The following USP15 variants were observed in gnomAD, a reference collection of about 807,000 sequenced individuals.
The protein encoded by USP15 is ubiquitin carboxyl-terminal hydrolase 15.
USP15 carries 18 observed loss-of-function variants against 127.1 expected under a neutral mutation model. The observed-to-expected ratio is 0.14, with a 90% CI of 0.10 to 0.21. USP15 has a LOEUF of 0.21. USP15 is among the 10% of genes least tolerant of loss of function. The probability of loss-of-function intolerance (pLI) is 1.00; values close to 1 mark genes in which losing one functional copy is unlikely to be tolerated. For missense variants in USP15, 805 were observed against 1,159.9 expected (o/e 0.69, Z 4.44); for synonymous variants, 364 against 393.7 (o/e 0.92, Z 0.89).
In USP15 at chr12:62,400,146, C is replaced by A. The variant is rs575564790; in HGVS notation, c.2675-1041C>A. 2.6e-5 allele frequency among the ~76,000 whole-genome samples: 4 copies of A among 152,212 alleles called. No individual in the cohort carries two copies. In the South Asian group the frequency reaches 8.3e-4, roughly 32 times the overall value. ...TTGGAAACATTGTGCAACTTTATTT[C>A]TTCAGTTATTGAGTAGTTTATACAA... On this transcript the variant is annotated intron_variant, in intron 20 of 21. Transcript: ENST00000280377.
At chr12:62,274,059 T>C (rs1306108452) in intron 1 of USP15, 2 of 152,118 alleles carry the variant, frequency 1.3e-5, no homozygotes, top group Non-Finnish European at 2.9e-5. Flanking sequence ...GTTAAATAAA[T>C]GGAATTTAAA....
intron 3 of USP15, chr12:62,304,678 A>G (rs1019612434): frequency 2.2e-6 from 1 of 453,066 alleles, no homozygotes; most frequent in Non-Finnish European, 4.4e-6. Flanking sequence ...TATAGTGTCA[A>G]CACTCAAAGA....
intron 1 of USP15, among the ~76,000 whole-genome samples, chr12:62,285,881 G>T (rs1469355438): frequency 6.6e-6 from 1 of 151,990 alleles, no homozygotes; most frequent in Non-Finnish European, 1.5e-5. Context: ...CATAAAGGTT[G>T]TACTAATTTC....
At chr12:62,353,491 A>T (rs1415864789) in intron 7 of USP15, among the ~76,000 whole-genome samples, 1 of 151,850 alleles carries the variant, frequency 6.6e-6, no homozygotes, top group African/African-American at 2.4e-5. Context: ...GTGTATAGGC[A>T]TGACCATGCA....
intron 1 of USP15, among the ~76,000 whole-genome samples, chr12:62,287,780 T>A (rs1342538235): frequency 2.6e-5 from 4 of 152,120 alleles, no homozygotes; most frequent in African/African-American, 7.2e-5. Context: ...TAGTGAGAAG[T>A]AGGGGCCCAG....
chr12:62,303,150 A>C (rs2064366782), intron 3 of USP15: 1 of 320,852 alleles, frequency 3.1e-6, no homozygotes, highest in South Asian at 5.9e-5. Flanking sequence ...TAGAGAGAAA[A>C]CTCTGTAAGG....
intron 5 of USP15, among the ~76,000 whole-genome samples, chr12:62,325,089 A>G (rs887776331): frequency 1.3e-5 from 2 of 151,936 alleles, no homozygotes; most frequent in African/African-American, 4.8e-5. Context: ...TAATTTAATT[A>G]TTTTTGCTAA....
In USP15 at chr12:62,320,030, C is replaced by T. The variant is rs113781799; in HGVS notation, c.476-1434C>T. Reference sequence around the variant, plus strand: ...CACTTTGGAAATTTATCACAAGATACTGATGATTAGTGCATGTTTCTGTAT... The same window carrying T: ...CACTTTGGAAATTTATCACAAGATATTGATGATTAGTGCATGTTTCTGTAT... On this transcript the variant is annotated intron_variant, in intron 4 of 21. Coordinates refer to ENST00000280377, the MANE Select transcript of USP15 (RefSeq NM_001252078.2). Among the ~76,000 whole-genome samples, 425 of 152,086 alleles carry T rather than the reference C, an allele frequency of 2.8e-3. 1 individual carries two copies. The highest frequency in any genetic ancestry group is 9.7e-3 in the African/African-American group (403 of 41,470).
intron 1 of USP15, among the ~76,000 whole-genome samples, chr12:62,265,578 G>A (rs1045074337): frequency 1.8e-4 from 27 of 152,222 alleles, no homozygotes; most frequent in Admixed American, 3.3e-4. Context: ...ACAGAGTCTC[G>A]CTTCATCACC....
intron 2 of USP15, among the ~76,000 whole-genome samples, chr12:62,295,581 C>G (rs2137160756): frequency 6.6e-6 from 1 of 152,142 alleles, no homozygotes. Context: ...ACAAATCTCC[C>G]CCACAAGACA....
Position 62,355,399 on chromosome 12 carries a change from G to A in USP15, c.839G>A (p.Gly280Glu), listed in dbSNP as rs1394613585. The A allele has an allele frequency of 1.2e-6, 2 of 1,611,362 alleles. No individual in the cohort carries two copies. The highest frequency in any genetic ancestry group is 3.3e-5 in the Admixed American group (2 of 59,798). Residue 280 changes from glycine to glutamate, a missense_variant, in exon 8 of 22, where the codon GGA becomes GAA. Gly to Glu is a moderately conservative substitution (Grantham distance 98). Around this residue, in one of 11 missense-constraint regions of USP15, gnomAD observed 84 missense variants for 107.7 expected, o/e 0.78. Transcript: ENST00000280377. The stretch of plus-strand genomic sequence containing the variant: ...AAGAACTATGATTATTCGGAACCTG[G>A]AAGAAACAATGAACAGCCAGGCCTC... ...AYKNYDYSEP[G>E]RNNEQPGLCG...
chr12:62,407,364 G>C lies in USP15; in HGVS notation c.*2989G>C, dbSNP rs1191453370. The C allele has an allele frequency of 6.6e-6, 1 of 152,186 alleles. No individual in the cohort carries two copies. Among genetic ancestry groups the C allele is most frequent in the Non-Finnish European group, 1.5e-5 (1 of 68,026 alleles). The allele number at this position is 152,186 out of a possible 1,614,324, so 9.4% of individuals were successfully genotyped here. On this transcript the variant is annotated 3_prime_UTR_variant, in exon 22 of 22. Transcript: ENST00000280377. ...CTGTGTTATAGTGTCTGCCTCATAGGATTGTTGAGAGCTCAAATGAGATCA... is the reference window on the plus strand; with the variant it reads ...CTGTGTTATAGTGTCTGCCTCATAGCATTGTTGAGAGCTCAAATGAGATCA...
Position 62,404,740 on chromosome 12 carries a change from T to A in USP15, c.*365T>A, listed in dbSNP as rs1444029208. The A allele has an allele frequency of 6.3e-6, 1 of 159,924 alleles. No homozygotes were observed. Among genetic ancestry groups the A allele is most frequent in the Non-Finnish European group, 1.4e-5 (1 of 72,790 alleles). 9.9% of individuals were successfully genotyped at this position (159,924 alleles called of 1,614,324 possible). ...ATGTTGGTCATTTATTTTGCTCTAA[T>A]AATACTGCAAGAAAACTATGGCTGA... On this transcript the variant is annotated 3_prime_UTR_variant, in exon 22 of 22. Transcript: ENST00000280377.
chr12:62,273,215 T>G (rs2063388184), intron 1 of USP15, among the ~76,000 whole-genome samples: 1 of 152,104 alleles, frequency 6.6e-6, no homozygotes, highest in African/African-American at 2.4e-5. Flanking sequence ...TAACTCTTAT[T>G]CAGAGGCTAA....
At chr12:62,371,534 G>A (rs1487454541) in intron 8 of USP15, among the ~76,000 whole-genome samples, 1 of 152,116 alleles carries the variant, frequency 6.6e-6, no homozygotes, top group Non-Finnish European at 1.5e-5. Flanking sequence ...ATTTGATAGG[G>A]TAATTTTATA....
At chr12:62,352,522 C>T (rs2065993960) in intron 7 of USP15, among the ~76,000 whole-genome samples, 1 of 151,896 alleles carries the variant, frequency 6.6e-6, no homozygotes, top group South Asian at 2.1e-4. Context: ...TGTTTATTGT[C>T]TCAATTTGAC....
At chr12:62,348,815 T>A (rs1406835482) in intron 6 of USP15, among the ~76,000 whole-genome samples, 1 of 152,162 alleles carries the variant, frequency 6.6e-6, no homozygotes, top group Non-Finnish European at 1.5e-5. Flanking sequence ...TGTTCTCTGA[T>A]CTCTGTGTCA....
intron 3 of USP15, among the ~76,000 whole-genome samples, chr12:62,313,755 G>T (rs553663086): frequency 5.3e-5 from 8 of 151,660 alleles, no homozygotes; most frequent in Admixed American, 2.0e-4. Flanking sequence ...TAAAAAAATT[G>T]TAACAAGTAT....
intron 20 of USP15, 78 bp downstream of exon 20, chr12:62,396,476 A>G (rs1240241835): frequency 5.1e-6 from 6 of 1,176,980 alleles, no homozygotes; most frequent in Non-Finnish European, 5.0e-6. Flanking sequence ...GATATTTATT[A>G]CTTCTTAAGG....
Sources: allele counts gnomAD v4.1 joint callset (sites outside exome capture counted in the v4.1 genomes callset), GRCh38; gene constraint gnomAD v4.1.1; regional missense constraint gnomAD v4.1.1; transcripts MANE v1.5; gene names NCBI Gene and HGNC (gene_info 2026-07-23, HGNC 2026-07-21).